Variants in FAM227B observed in about 807,000 individuals in gnomAD.
FAM227B encodes the protein family with sequence similarity 227 member B, also known as protein FAM227B.
In FAM227B, 88 loss-of-function variants were observed where a neutral mutation model predicts 73.8. That is an observed-to-expected ratio of 1.19 (90% CI 1.00 to 1.42). The LOEUF (loss-of-function observed/expected upper bound fraction) is 1.42. Among genes scored for constraint, FAM227B ranks in the 40% most tolerant of loss-of-function variants. FAM227B has a pLI of 0.00. For missense variants in FAM227B, 632 were observed against 590.9 expected, an observed-to-expected ratio of 1.07 and a Z score of -0.72; for synonymous variants, 210 against 190.5, an observed-to-expected ratio of 1.10 and a Z score of -0.84.
At chr15:49,342,879 T>C (rs2040943441) in intron 13 of FAM227B, among the ~76,000 whole-genome samples, 1 of 152,210 alleles carries the variant, frequency 6.6e-6, no homozygotes, top group South Asian at 2.1e-4. Context: ...TTATAAGGTT[T>C]TTGCTGAGAA....
chr15:49,361,296 T>C (rs556048232), intron 13 of FAM227B, among the ~76,000 whole-genome samples: 3 of 152,166 alleles, frequency 2.0e-5, no homozygotes, highest in Non-Finnish European at 4.4e-5. Context: ...GTTTGTTACA[T>C]AGGTAAATTG....
At chr15:49,471,880 C>T (rs1269597352) in intron 11 of FAM227B, among the ~76,000 whole-genome samples, 3 of 152,164 alleles carry the variant, frequency 2.0e-5, no homozygotes, top group African/African-American at 7.2e-5. Flanking sequence ...AATGCTGACA[C>T]ATGCAGGAAT....
chr15:49,482,640 G>C (rs1002754150), intron 11 of FAM227B, among the ~76,000 whole-genome samples: 5 of 151,890 alleles, frequency 3.3e-5, no homozygotes, highest in Non-Finnish European at 5.9e-5. Context: ...AGAATGTCTG[G>C]GTTCAAATTC....
intron 13 of FAM227B, chr15:49,365,005 T>C (rs944931292): frequency 2.0e-5 from 9 of 453,560 alleles, no homozygotes; most frequent in African/African-American, 1.4e-4. Flanking sequence ...CTCATAAAAA[T>C]ATATATTTGC....
chr15:49,407,434 C>G (rs948384949), intron 11 of FAM227B, among the ~76,000 whole-genome samples: 1 of 152,108 alleles, frequency 6.6e-6, no homozygotes, highest in Non-Finnish European at 1.5e-5. Context: ...ACACTTGGTG[C>G]CTTCCCTCTG....
intron 1 of FAM227B, among the ~76,000 whole-genome samples, chr15:49,617,854 CA>C (rs200952047): frequency 6.6e-6 from 1 of 151,034 alleles, no homozygotes; most frequent in Non-Finnish European, 1.5e-5. Context: ...ACTTGTGTAA[CA>C]AAAAAAACAC....
intron 11 of FAM227B, among the ~76,000 whole-genome samples, chr15:49,498,815 G>A (rs1054757296): frequency 6.6e-6 from 1 of 152,146 alleles, no homozygotes; most frequent in East Asian, 1.9e-4. Context: ...AGCAAGGGTT[G>A]CTATTCTTAT....
chr15:49,586,918 T>C (rs369149297), intron 5 of FAM227B, among the ~76,000 whole-genome samples: 24 of 152,264 alleles, frequency 1.6e-4, no homozygotes, highest in East Asian at 1.5e-3. Flanking sequence ...ATGCTTATAA[T>C]ACACAGCTGG....
chr15:49,468,451 C>G (rs1479804350), intron 11 of FAM227B, among the ~76,000 whole-genome samples: 2 of 152,078 alleles, frequency 1.3e-5, no homozygotes, highest in Admixed American at 1.3e-4. Context: ...TTAGTGTATT[C>G]CAAGGTTCTG....
chr15:49,610,420 T>TAAAAA (rs72044107), intron 3 of FAM227B, among the ~76,000 whole-genome samples: 1 of 119,592 alleles, frequency 8.4e-6, no homozygotes, highest in Non-Finnish European at 1.8e-5. Flanking sequence ...ACATTGAAAG[T>TAAAAA]AAAAAAAAAA....
At chr15:49,522,343 C>A (rs1385112952) in intron 10 of FAM227B, among the ~76,000 whole-genome samples, 2 of 152,284 alleles carry the variant, frequency 1.3e-5, no homozygotes, top group African/African-American at 4.8e-5. Context: ...GTGATAGCTT[C>A]TTCAGTTGAG....
chr15:49,564,554 C>A (rs903106594), intron 9 of FAM227B, among the ~76,000 whole-genome samples: 2 of 152,180 alleles, frequency 1.3e-5, no homozygotes, highest in Admixed American at 6.5e-5. Flanking sequence ...TTCATCACAG[C>A]ACTGTTCACA....
chr15:49,574,423 T>C (rs986079698), intron 8 of FAM227B, among the ~76,000 whole-genome samples: 3 of 152,142 alleles, frequency 2.0e-5, no homozygotes, highest in Admixed American at 6.5e-5. Context: ...GTTCTCGTAA[T>C]AGTCAGTGAG....
At chr15:49,510,189 C>T (rs552547865) in intron 10 of FAM227B, among the ~76,000 whole-genome samples, 1 of 152,268 alleles carries the variant, frequency 6.6e-6, no homozygotes, top group South Asian at 2.1e-4. Context: ...ATTATCACCA[C>T]ATACAAGCTA....
At chr15:49,421,386 T>C (rs2049613508) in intron 11 of FAM227B, among the ~76,000 whole-genome samples, 1 of 152,250 alleles carries the variant, frequency 6.6e-6, no homozygotes, top group Admixed American at 6.5e-5. Context: ...CTTGTTGATA[T>C]TAATCTGTTC....
intron 11 of FAM227B, among the ~76,000 whole-genome samples, chr15:49,378,048 T>C (rs1479081970): frequency 6.6e-6 from 1 of 152,176 alleles, no homozygotes; most frequent in Admixed American, 6.5e-5. Context: ...TGACAAGAGA[T>C]AGCGGTGTAG....
chr15:49,352,647 T>TA (rs2042418533), intron 13 of FAM227B, among the ~76,000 whole-genome samples: 1 of 152,184 alleles, frequency 6.6e-6, no homozygotes. Context: ...TAAGCAAAAA[T>TA]AACTTAGTTA....
intron 11 of FAM227B, among the ~76,000 whole-genome samples, chr15:49,374,764 G>C (rs1050399605): frequency 2.0e-5 from 3 of 152,104 alleles, no homozygotes; most frequent in African/African-American, 7.2e-5. Flanking sequence ...GGCTGGTCTC[G>C]AACTCCTGAC....
At chr15:49,522,317 A>C (rs1178369823) in intron 10 of FAM227B, among the ~76,000 whole-genome samples, 1 of 152,178 alleles carries the variant, frequency 6.6e-6, no homozygotes, top group Non-Finnish European at 1.5e-5. Flanking sequence ...AATGATAGCA[A>C]ATTTAAAAAT....
Sources: gnomAD v4.1 joint callset for allele counts (sites outside exome capture counted in the v4.1 genomes callset) on GRCh38, gnomAD v4.1.1 for gene constraint, MANE v1.5 for transcripts, NCBI Gene and HGNC (gene_info 2026-07-23, HGNC 2026-07-21) for gene names.